AIG1: variants seen among roughly 807,000 people sequenced by gnomAD.
The protein encoded by AIG1 is androgen induced 1.
In AIG1, 23 loss-of-function variants were observed where a neutral mutation model predicts 31.4. The observed-to-expected ratio is 0.73, with a 90% CI of 0.53 to 1.04. The LOEUF is 1.04. Among genes scored for constraint, AIG1 ranks in the 50% least tolerant of loss-of-function variants. The pLI, the probability that AIG1 is intolerant of heterozygous loss-of-function variation, is 0.00. For missense variants in AIG1, 274 were observed against 295.0 expected (o/e 0.93, Z 0.52); for synonymous variants, 100 against 110.5 (o/e 0.90, Z 0.60).
At position 143,280,637 on chromosome 6, in the gene AIG1, C is replaced by T. The variant is rs185861314; in HGVS notation, c.400-3473C>T. On this transcript the variant is annotated intron_variant, in intron 3 of 5. Transcript: ENST00000357847. The surrounding 1 kb of genome is among the most constrained non-coding windows in gnomAD (Gnocchi z 4.1). ...AATGCAGGAACAGAAAACCAAACAC[C>T]GCATGTTCTCACTTATAAGTGGGAG... 5.3e-5 allele frequency among the ~76,000 whole-genome samples: 8 copies of T among 152,226 alleles called. No individual in the cohort carries two copies. The East Asian group carries it at 7.7e-4, about 15-fold the overall frequency.
At chr6:143,075,047 A>T (rs1272052594) in intron 1 of AIG1, among the ~76,000 whole-genome samples, 1 of 152,212 alleles carries the variant, frequency 6.6e-6, no homozygotes, top group Non-Finnish European at 1.5e-5. Flanking sequence ...CAATTTTTAA[A>T]ACAGATTTGG....
intron 1 of AIG1, among the ~76,000 whole-genome samples, chr6:143,121,598 C>A (rs185518437): frequency 6.6e-6 from 1 of 152,270 alleles, no homozygotes. Flanking sequence ...TTGCTAGGAG[C>A]AATTCCAGTG....
intron 3 of AIG1, among the ~76,000 whole-genome samples, chr6:143,260,594 T>C (rs1210413150): frequency 6.6e-6 from 1 of 152,178 alleles, no homozygotes; most frequent in Non-Finnish European, 1.5e-5. Context: ...AGCAATAAAA[T>C]GATAACACAA....
At chr6:143,274,623 C>A (rs554574260) in intron 3 of AIG1, among the ~76,000 whole-genome samples, 2 of 152,178 alleles carry the variant, frequency 1.3e-5, no homozygotes, top group East Asian at 3.9e-4. Context: ...GAACAGCAGT[C>A]CGTTGGAGGC....
At chr6:143,250,896 A>T (rs910273032) in intron 3 of AIG1, among the ~76,000 whole-genome samples, 5 of 152,150 alleles carry the variant, frequency 3.3e-5, no homozygotes. Flanking sequence ...TCATTTTTCC[A>T]ATGTGGCCCA....
At chr6:143,107,671 G>A (rs371556419) in intron 1 of AIG1, among the ~76,000 whole-genome samples, 118 of 152,182 alleles carry the variant, frequency 7.8e-4, no homozygotes, top group African/African-American at 2.8e-3. Flanking sequence ...GGAATGAGAT[G>A]ACACAGGACA....
At chr6:143,137,879 G>A (rs1371059780) in intron 2 of AIG1, among the ~76,000 whole-genome samples, 15 of 152,048 alleles carry the variant, frequency 9.9e-5, no homozygotes, top group Non-Finnish European at 1.6e-4. Flanking sequence ...AGCTGATTTC[G>A]GGGGAAAACA....
At chr6:143,285,100 T>TC (rs1797598563) in intron 4 of AIG1, among the ~76,000 whole-genome samples, 1 of 151,504 alleles carries the variant, frequency 6.6e-6, no homozygotes. Flanking sequence ...TTGTACTTAA[T>TC]CCCCCCAAAT....
rs1453810945 is a variant in AIG1 at position 143,331,138 on chromosome 6, G to C, written c.516-2144G>C. On this transcript the variant is annotated intron_variant, in intron 4 of 5. Transcript: ENST00000357847. This position sits in a 1 kb window ranked among gnomAD's most constrained non-coding sequence, Gnocchi z 4.1. ...TTCCCTCTACCAAGGAACCTTTGTA[G>C]ACCTGTTTTTTTTTTCCTAATTTCC... 2.0e-5 allele frequency among the ~76,000 whole-genome samples: 3 copies of C among 151,722 alleles called. No individual in the cohort carries two copies. Among genetic ancestry groups the C allele is most frequent in the African/African-American group, 7.3e-5 (3 of 41,316 alleles).
chr6:143,200,198 G>T (rs932123967), intron 3 of AIG1, among the ~76,000 whole-genome samples: 1 of 152,150 alleles, frequency 6.6e-6, no homozygotes, highest in Non-Finnish European at 1.5e-5. Context: ...AAAGGTTAGC[G>T]TGGATAGTCA....
At chr6:143,308,234 G>A in intron 4 of AIG1, among the ~76,000 whole-genome samples, 1 of 152,326 alleles carries the variant, frequency 6.6e-6, no homozygotes, top group South Asian at 2.1e-4. Flanking sequence ...CCACTGTCTG[G>A]CACTCCATAG....
intron 3 of AIG1, among the ~76,000 whole-genome samples, chr6:143,247,777 G>A (rs1361830867): frequency 6.6e-6 from 1 of 152,172 alleles, no homozygotes; most frequent in Non-Finnish European, 1.5e-5. Context: ...CTTCCTCTGG[G>A]ATCTCTAAAC....
chr6:143,140,398 AC>A (rs1277823930), intron 2 of AIG1, among the ~76,000 whole-genome samples: 1 of 151,880 alleles, frequency 6.6e-6, no homozygotes, highest in African/African-American at 2.4e-5. Context: ...GTTATTTCCC[AC>A]CTTTCCTTTC....
rs906210175 is a variant in AIG1, at chr6:143,256,566, C to G, written c.400-27544C>G. 2.0e-5 allele frequency among the ~76,000 whole-genome samples: 3 copies of G among 152,174 alleles called. No homozygotes were observed. Among genetic ancestry groups the G allele is most frequent in the Admixed American group, 6.5e-5 (1 of 15,288 alleles). On this transcript the variant is annotated intron_variant, in intron 3 of 5. Coordinates refer to ENST00000357847, the MANE Select transcript of AIG1 (RefSeq NM_016108.4). The surrounding 1 kb of genome is among the most constrained non-coding windows in gnomAD (Gnocchi z 4.6). ...TTAGTTATTGAACCCTAAATCCAAA[C>G]AAAATCTTCCATGGACATCGAGCAG... is the stretch of plus-strand genomic sequence containing the variant.
upstream of AIG1, chr6:143,060,710 G>C: frequency 4.6e-6 from 2 of 434,780 alleles, no homozygotes; most frequent in South Asian, 3.3e-5. Context: ...AGTGGAGAGC[G>C]TCCGCAAACC....
At position 143,232,415 on chromosome 6, in the gene AIG1, C is replaced by T. The variant is rs548811722; in HGVS notation, c.400-51695C>T. Among the ~76,000 whole-genome samples the T allele has an allele frequency of 2.4e-4, 36 of 152,278 alleles. 1 individual carries two copies. Among genetic ancestry groups the T allele is most frequent in the Admixed American group, 2.4e-3 (36 of 15,298 alleles). On this transcript the variant is annotated intron_variant, in intron 3 of 5. Coordinates refer to ENST00000357847, the MANE Select transcript of AIG1 (RefSeq NM_016108.4). ...CGGTTCTTAGTCAAATAGACTCTGTCCTCCACCAAACCATGGTGCACAGGC... is the reference window on the plus strand; with the variant it reads ...CGGTTCTTAGTCAAATAGACTCTGTTCTCCACCAAACCATGGTGCACAGGC...
At chr6:143,084,305 A>T (rs1778563328) in intron 1 of AIG1, among the ~76,000 whole-genome samples, 1 of 152,186 alleles carries the variant, frequency 6.6e-6, no homozygotes, top group Non-Finnish European at 1.5e-5. Context: ...CCTTGACATA[A>T]GGGGCATGGA....
chr6:143,184,294 G>T (rs970641662), intron 3 of AIG1, among the ~76,000 whole-genome samples: 1 of 152,104 alleles, frequency 6.6e-6, no homozygotes, highest in Non-Finnish European at 1.5e-5. Flanking sequence ...CCAGTCCCCT[G>T]TGTTCCCCTC....
At position 143,268,587 on chromosome 6, in the gene AIG1, G is replaced by T. The variant is rs1796307890; in HGVS notation, c.400-15523G>T. Among the ~76,000 whole-genome samples, 1 of 152,146 alleles carries T rather than the reference G, an allele frequency of 6.6e-6. No individual in the cohort carries two copies. ...GTGGTAAGGAATTTAATCATGTACTGACCAATTTCTTGTTTCATAAGAACA... is the reference window on the plus strand; with the variant it reads ...GTGGTAAGGAATTTAATCATGTACTTACCAATTTCTTGTTTCATAAGAACA... On this transcript the variant is annotated intron_variant, in intron 3 of 5. Coordinates refer to ENST00000357847, the MANE Select transcript of AIG1 (RefSeq NM_016108.4). This position sits in a 1 kb window ranked among gnomAD's most constrained non-coding sequence, Gnocchi z 5.0.
Sources: gnomAD v4.1 joint callset for allele counts (sites outside exome capture counted in the v4.1 genomes callset) on GRCh38, gnomAD v4.1.1 for gene constraint, Gnocchi (gnomAD v3.1) non-coding constraint, MANE v1.5 for transcripts, NCBI Gene and HGNC (gene_info 2026-07-23, HGNC 2026-07-21) for gene names.